The following KRT84 variants were observed in gnomAD, a reference collection of about 807,000 sequenced individuals.
KRT84 encodes the protein keratin, type II cuticular Hb4.
Under a neutral mutation model 49.0 loss-of-function variants are expected in KRT84, and 38 were observed. That is an observed-to-expected ratio of 0.78 (90% CI 0.60 to 1.02). The LOEUF is 1.02. Ranked by LOEUF, KRT84 falls within the 50% of genes least tolerant of loss-of-function variation. The pLI, the probability that KRT84 is intolerant of heterozygous loss-of-function variation, is 0.00. For missense variants in KRT84, 860 were observed against 788.6 expected (o/e 1.09, Z -1.08); for synonymous variants, 334 against 312.8 (o/e 1.07, Z -0.72).
In KRT84 at chr12:52,383,760, G is replaced by A; in HGVS notation, c.585C>T (p.Thr195=). 1 of 1,613,714 alleles carries A rather than the reference G, an allele frequency of 6.2e-7. No homozygotes were observed. Among genetic ancestry groups the A allele is most frequent in the East Asian group, 2.2e-5 (1 of 44,886 alleles). Residue 195 remains threonine, a synonymous_variant, in exon 2 of 9, where the codon ACC becomes ACT. Transcript: ENST00000257951. ...FLEQQNKLLE[T]KWSFLQEQKC... ...TCTGCTCTTGGAGGAAGCTCCACTT[G>A]GTCTCTAGGAGCTTATTCTGCTGCT...
Position 52,378,238 on chromosome 12 carries a change from G to C in KRT84, c.1599C>G (p.Ser533Arg), listed in dbSNP as rs1175846630. 1.3e-6 allele frequency: 2 copies of C among 1,564,754 alleles called. 1 individual carries two copies. The highest frequency in any genetic ancestry group is 2.4e-5 in the South Asian group (2 of 84,988). The change falls in exon 9 of 9, where the codon AGC (serine) becomes AGG (arginine). Residue 533 changes from serine (S) to arginine (R), a missense_variant. Ser to Arg is a moderately radical substitution (Grantham distance 110). Coordinates refer to ENST00000257951, the MANE Select transcript of KRT84 (RefSeq NM_033045.4). ...CCGGGGCGACCCGGGCTCCACCCAG[G>C]CTGGGGCCACAGGAAGCCAGGACCC... ...TSGVLASCGP[S>R]LGGARVAPAT...
At chr12:52,380,934 T>C in intron 6 of KRT84, 146 bp downstream of exon 6, 1 of 1,135,796 alleles carries the variant, frequency 8.8e-7, no homozygotes, top group Non-Finnish European at 1.3e-6. Context: ...ATTTTTATCC[T>C]CCAGAAAGCC....
chr12:52,379,583 T>C (rs905033853), intron 8 of KRT84, among the ~76,000 whole-genome samples: 1 of 152,172 alleles, frequency 6.6e-6, no homozygotes, highest in African/African-American at 2.4e-5. Context: ...TCTAAGTCCT[T>C]CTAAGTTCCC....
rs1371589317 is a variant in KRT84 at position 52,381,156 on chromosome 12, T to C, written c.1127A>G (p.Asn376Ser). Residue 376 changes from asparagine to serine, a missense_variant, in exon 6 of 9, where the codon AAC becomes AGC. Physicochemically the swap from Asn to Ser is conservative, Grantham distance 46. Coordinates refer to ENST00000257951, the MANE Select transcript of KRT84 (RefSeq NM_033045.4). ...CAGTTCGTTGATCTCGTTCCGTATG[T>C]TGCGCAGGTTGTCACAGTGTTGGCC... ...TAGQHCDNLRNIRNEINELTR... is the reference protein window; with the variant it reads ...TAGQHCDNLRSIRNEINELTR... The C allele has an allele frequency of 5.6e-6, 9 of 1,614,158 alleles. No homozygotes were observed. Among genetic ancestry groups the C allele is most frequent in the Non-Finnish European group, 7.6e-6 (9 of 1,180,022 alleles).
At chr12:52,383,834 G>T (rs1324142131) in intron 1 of KRT84, 36 bp from the exon 2 acceptor site, 3 of 1,559,154 alleles carry the variant, frequency 1.9e-6, no homozygotes, top group Non-Finnish European at 2.6e-6. Context: ...CATTTGAAGT[G>T]CTTGATAGGG....
chr12:52,382,405 C>T (rs1461391086), intron 4 of KRT84, 32 bp downstream of exon 4: 22 of 1,449,646 alleles, frequency 1.5e-5, no homozygotes, highest in Non-Finnish European at 1.8e-5. Context: ...GCATTGATCT[C>T]CTTGGGTGCC....
rs200694132 is a variant in KRT84, at chr12:52,385,142, G to T, written c.444C>A (p.Thr148=). The change falls in exon 1 of 9, where the codon ACC becomes ACA. Residue 148 remains threonine (T), a synonymous_variant. Transcript: ENST00000257951. ...TAVTVNKSLL[T]PLNLEIDPNA... The stretch of plus-strand genomic sequence containing the variant: ...TGGGGTCAATCTCCAGGTTGAGGGG[G>T]GTCAGTAGGCTCTTGTTCACAGTCA... 102 of 1,598,446 alleles carry T rather than the reference G, an allele frequency of 6.4e-5. No individual in the cohort carries two copies. The highest frequency in any genetic ancestry group is 6.2e-4 in the African/African-American group (46 of 74,678).
chr12:52,381,015 G>T, intron 6 of KRT84, 65 bp downstream of exon 6: 2 of 1,584,404 alleles, frequency 1.3e-6, no homozygotes, highest in South Asian at 2.3e-5. Flanking sequence ...TAGACTTGGG[G>T]GTTCCCAAAG....
Position 52,382,486 on chromosome 12 carries a change from A to C in KRT84, c.863T>G (p.Val288Gly). 8.7e-6 allele frequency: 14 copies of C among 1,614,188 alleles called. No homozygotes were observed. The highest frequency in any genetic ancestry group is 1.2e-5 in the Non-Finnish European group (14 of 1,180,004). ...GTCAATTTCCTGAGTTAGGGTATCC[A>C]CGTTGGCCTCGAGATCAGACTTGTT... is the stretch of plus-strand genomic sequence containing the variant. ...FMNKSDLEAN[V>G]DTLTQEIDFL... The change falls in exon 4 of 9, where the codon GTG becomes GGG. Residue 288 changes from valine to glycine, a missense_variant. Val to Gly is a moderately radical substitution (Grantham distance 109). Transcript: ENST00000257951.
chr12:52,377,894 C>T lies in KRT84; in HGVS notation c.*140G>A, dbSNP rs1035494306. On this transcript the variant is annotated 3_prime_UTR_variant, in exon 9 of 9. Transcript: ENST00000257951. ...AGGACATGGGGCCAGGCAGAATAAT[C>T]GGGGGAGTGCTAAGGGGTGGCTTCC... The T allele has an allele frequency of 1.3e-5, 7 of 523,690 alleles. No homozygotes were observed. Among genetic ancestry groups the T allele is most frequent in the African/African-American group, 2.0e-5 (1 of 50,198 alleles). 32.4% of individuals were successfully genotyped at this position (523,690 alleles called of 1,614,324 possible). A position where few individuals can be genotyped will look rare whatever the true frequency, so the allele number is the denominator to read the frequency against.
rs1939488369 is a variant in KRT84, at chr12:52,381,670, A to G, written c.913-145T>C. ...AAAAGCAAGACCATCTAAATTGATG[A>G]TAAAGAAAAAGACATGTCTGAGAAC... On this transcript the variant is annotated intron_variant, in intron 4 of 8. Transcript: ENST00000257951. The G allele has an allele frequency of 3.8e-6, 3 of 794,372 alleles. No homozygotes were observed. The African/African-American group carries it at 5.2e-5, about 14-fold the overall frequency. 49.2% of individuals were successfully genotyped at this position (794,372 alleles called of 1,614,324 possible).
chr12:52,382,644 C>T (rs773017686), intron 3 of KRT84, 112 bp from the exon 4 acceptor site: 8 of 830,498 alleles, frequency 9.6e-6, no homozygotes, highest in Non-Finnish European at 1.6e-5. Context: ...ATGGTAAGGT[C>T]GCTGGGTAGA....
intron 6 of KRT84, 65 bp downstream of exon 6, chr12:52,381,015 G>C (rs1436699016): frequency 2.5e-6 from 4 of 1,584,406 alleles, no homozygotes; most frequent in Non-Finnish European, 2.6e-6. Flanking sequence ...TAGACTTGGG[G>C]GTTCCCAAAG....
intron 6 of KRT84, 104 bp from the exon 7 acceptor site, chr12:52,380,687 G>A: frequency 8.4e-7 from 1 of 1,193,648 alleles, no homozygotes; most frequent in Admixed American, 2.4e-5. Flanking sequence ...CTGGGGCCAA[G>A]GCAGGGATGG....
At chr12:52,378,456 T>A (rs1005818912) in intron 8 of KRT84, 76 bp from the exon 9 acceptor site, 1 of 1,227,552 alleles carries the variant, frequency 8.1e-7, no homozygotes, top group Non-Finnish European at 1.1e-6. Flanking sequence ...GGGCTGCACC[T>A]CCGGGTCTGG....
At chr12:52,380,738 A>T (rs1349124397) in intron 6 of KRT84, 155 bp from the exon 7 acceptor site, 2 of 769,714 alleles carry the variant, frequency 2.6e-6, no homozygotes, top group Non-Finnish European at 4.1e-6. Context: ...GAGACCCTGT[A>T]GTTTGATGTC....
In KRT84 at chr12:52,377,948, A is replaced by G; in HGVS notation, c.*86T>C. ...CAGAAAGGGGAGCTGGAGACCGTCA[A>G]GCCCAGAGCCCACGAACCCTGGGGG... On this transcript the variant is annotated 3_prime_UTR_variant, in exon 9 of 9. Coordinates refer to ENST00000257951, the MANE Select transcript of KRT84 (RefSeq NM_033045.4). The G allele has an allele frequency of 1.9e-6, 2 of 1,060,118 alleles. No individual in the cohort carries two copies. The highest frequency in any genetic ancestry group is 2.5e-6 in the Non-Finnish European group (2 of 787,024). 65.7% of individuals were successfully genotyped at this position (1,060,118 alleles called of 1,614,324 possible). A position where few individuals can be genotyped will look rare whatever the true frequency, so the allele number is the denominator to read the frequency against.
Position 52,378,355 on chromosome 12 carries a change from C to G in KRT84, c.1482G>C (p.Leu494=). 1 of 1,480,410 alleles carries G rather than the reference C, an allele frequency of 6.8e-7. No individual in the cohort carries two copies. Among genetic ancestry groups the G allele is most frequent in the Non-Finnish European group, 8.9e-7 (1 of 1,119,406 alleles). The allele number at this position is 1,480,410 out of a possible 1,614,324, so 91.7% of individuals were successfully genotyped here. A position where few individuals can be genotyped will look rare whatever the true frequency, so the allele number is the denominator to read the frequency against. Residue 494 remains leucine, a synonymous_variant, in exon 9 of 9, where the codon CTG becomes CTC. Transcript: ENST00000257951. ...NISVSSSRGG[L]VCGPEPLVAG... is the part of the protein sequence containing the mutation. The stretch of plus-strand genomic sequence containing the variant: ...CAACCAAAGGCTCAGGCCCGCACAC[C>G]AGGCCGCCCCGGGAGCTGCTGACGG...
At chr12:52,386,570 T>A (rs1013497101), upstream of KRT84, among the ~76,000 whole-genome samples, 1 of 151,834 alleles carries the variant, frequency 6.6e-6, no homozygotes, top group Non-Finnish European at 1.5e-5. Context: ...GTGGCATGAT[T>A]TGAGGCCAAA....
Sources: allele counts gnomAD v4.1 joint callset (sites outside exome capture counted in the v4.1 genomes callset), GRCh38; gene constraint gnomAD v4.1.1; transcripts MANE v1.5; gene names NCBI Gene and HGNC (gene_info 2026-07-23, HGNC 2026-07-21).